Variants in RANBP9 observed in about 807,000 individuals in gnomAD.
RANBP9 encodes RAN binding protein 9.
In RANBP9, 15 loss-of-function variants were observed where a neutral mutation model predicts 84.3. That is an observed-to-expected ratio of 0.18 (90% CI 0.12 to 0.27). The LOEUF (loss-of-function observed/expected upper bound fraction) is 0.27. Ranked by LOEUF, RANBP9 falls within the 10% of genes least tolerant of loss-of-function variation. RANBP9 has a pLI of 1.00. For synonymous variants in RANBP9, 392 were observed against 349.6 expected, an observed-to-expected ratio of 1.12 and a Z score of -1.35; for missense variants, 809 against 912.8, an observed-to-expected ratio of 0.89 and a Z score of 1.46.
chr6:13,670,498 A>G (rs1403521422), intron 2 of RANBP9, among the ~76,000 whole-genome samples: 1 of 151,946 alleles, frequency 6.6e-6, no homozygotes, highest in Non-Finnish European at 1.5e-5. Flanking sequence ...GAAACACAAG[A>G]AAAAATAGAC....
At chr6:13,691,100 A>AC (rs543010754) in intron 2 of RANBP9, among the ~76,000 whole-genome samples, 68 of 151,604 alleles carry the variant, frequency 4.5e-4, no homozygotes, top group African/African-American at 1.6e-3. Flanking sequence ...CCCAGGAGAC[A>AC]GAGGTTGCAG....
chr6:13,676,973 T>C (rs1765899687), intron 2 of RANBP9, among the ~76,000 whole-genome samples: 1 of 152,192 alleles, frequency 6.6e-6, no homozygotes, highest in African/African-American at 2.4e-5. Context: ...TATTTCCTTT[T>C]ACGGCTCTTA....
intron 13 of RANBP9, among the ~76,000 whole-genome samples, chr6:13,625,416 ACTT>A (rs1764574500): frequency 6.6e-6 from 1 of 152,104 alleles, no homozygotes; most frequent in African/African-American, 2.4e-5. Context: ...GCACACAAAA[ACTT>A]CTATTTCCCA....
chr6:13,653,215 C>T (rs560449535), intron 4 of RANBP9, among the ~76,000 whole-genome samples: 4 of 152,144 alleles, frequency 2.6e-5, no homozygotes, highest in African/African-American at 9.6e-5. Flanking sequence ...ATGATTTACT[C>T]GTGGGAAAAA....
At chr6:13,632,597 T>C (rs1584912293) in intron 11 of RANBP9, 76 bp from the exon 12 acceptor site, 1 of 1,319,848 alleles carries the variant, frequency 7.6e-7, no homozygotes, top group Non-Finnish European at 1.1e-6. Context: ...ACATTTCTTA[T>C]ACCATTTTGT....
At chr6:13,668,600 A>T (rs1765704846) in intron 2 of RANBP9, among the ~76,000 whole-genome samples, 1 of 152,130 alleles carries the variant, frequency 6.6e-6, no homozygotes, top group South Asian at 2.1e-4. Flanking sequence ...TATTAAGAAA[A>T]TAAAGAACAA....
chr6:13,623,605 A>AT (rs1436934808), intron 13 of RANBP9, among the ~76,000 whole-genome samples: 8 of 151,456 alleles, frequency 5.3e-5, no homozygotes, highest in Non-Finnish European at 8.9e-5. Flanking sequence ...TACAGGGAAT[A>AT]TTTTTTTAAT....
chr6:13,634,588 T>C (rs746359008), intron 10 of RANBP9, 36 bp from the exon 11 acceptor site: 2 of 1,567,460 alleles, frequency 1.3e-6, no homozygotes, highest in Admixed American at 1.7e-5. Flanking sequence ...TTTAGAAATA[T>C]CATACTTGCA....
chr6:13,705,889 A>G (rs1758101766), intron 1 of RANBP9, among the ~76,000 whole-genome samples: 1 of 151,602 alleles, frequency 6.6e-6, no homozygotes, highest in African/African-American at 2.4e-5. Context: ...AAAAAAAAGA[A>G]ACATTTTTAT....
At chr6:13,670,834 G>C (rs1400855660) in intron 2 of RANBP9, among the ~76,000 whole-genome samples, 2 of 144,370 alleles carry the variant, frequency 1.4e-5, no homozygotes, top group Non-Finnish European at 3.0e-5. Flanking sequence ...AGACAAACTA[G>C]ACTCCATAAA....
intron 1 of RANBP9, among the ~76,000 whole-genome samples, chr6:13,704,550 G>A (rs1758052325): frequency 6.6e-6 from 1 of 151,886 alleles, no homozygotes. Flanking sequence ...AGGATCACTT[G>A]AGCCCAGGAG....
chr6:13,692,470 T>C (rs1177822600), intron 2 of RANBP9, among the ~76,000 whole-genome samples: 1 of 128,334 alleles, frequency 7.8e-6, no homozygotes, highest in Non-Finnish European at 1.5e-5. Context: ...GAGGTTACAG[T>C]GAGCTGAAAT....
chr6:13,632,225 C>A (rs1764807409), intron 12 of RANBP9, 145 bp downstream of exon 12: 1 of 409,910 alleles, frequency 2.4e-6, no homozygotes, highest in Non-Finnish European at 3.9e-6. Context: ...TCAAATATTT[C>A]CACTCTCAGA....
In RANBP9 at chr6:13,692,129, T is replaced by C. The variant is rs140031179; in HGVS notation, c.683+4656A>G. Among the ~76,000 whole-genome samples the C allele has an allele frequency of 3.3e-3, 507 of 152,320 alleles. 2 individuals carry two copies. The highest frequency in any genetic ancestry group is 0.012 in the African/African-American group (493 of 41,574). On this transcript the variant is annotated intron_variant, in intron 2 of 13. Coordinates refer to ENST00000011619, the MANE Select transcript of RANBP9 (RefSeq NM_005493.3). ...CATTAGTTGGCCAAAATTAGCAATA[T>C]GAGTTGCTTTTTTTTCATAAATGAA...
chr6:13,629,253 G>C (rs1466112730), intron 12 of RANBP9, among the ~76,000 whole-genome samples: 1 of 152,146 alleles, frequency 6.6e-6, no homozygotes, highest in Non-Finnish European at 1.5e-5. Flanking sequence ...TGGGATTACA[G>C]ATGTGGGCCA....
In RANBP9 at chr6:13,621,622, CTAAA is replaced by C. The variant is rs938591989; in HGVS notation, c.*736_*739del. 1 of 152,634 alleles carries C rather than the reference CTAAA, an allele frequency of 6.6e-6. No homozygotes were observed. Among genetic ancestry groups the C allele is most frequent in the South Asian group, 2.1e-4 (1 of 4,828 alleles). 9.5% of individuals were successfully genotyped at this position (152,634 alleles called of 1,614,324 possible). A position where few individuals can be genotyped will look rare whatever the true frequency, so the allele number is the denominator to read the frequency against. On this transcript the variant is annotated 3_prime_UTR_variant, in exon 14 of 14. Transcript: ENST00000011619. The stretch of plus-strand genomic sequence containing the variant: ...ATTAAATTAAGACACGGTAAATTGA[CTAAA>C]TATTTGGTTTTTATATAAATAAAGG...
intron 7 of RANBP9, 137 bp from the exon 8 acceptor site, chr6:13,641,444 T>C (rs756040794): frequency 5.1e-6 from 3 of 583,530 alleles, no homozygotes; most frequent in Non-Finnish European, 8.8e-6. Context: ...TCTAACATCA[T>C]AGTTTCCATT....
intron 9 of RANBP9, 56 bp from the exon 10 acceptor site, chr6:13,638,011 T>C (rs2071836): frequency 0.37 from 547,399 of 1,466,030 alleles, 104,188 homozygotes; most frequent in Admixed American, 0.56. Context: ...ATTAATACGG[T>C]TGTAAACAAG....
chr6:13,657,788 AAGG>A (rs937321822), intron 3 of RANBP9, among the ~76,000 whole-genome samples: 3 of 152,314 alleles, frequency 2.0e-5, no homozygotes, highest in African/African-American at 7.2e-5. Context: ...TTACTTCTAT[AAGG>A]AGTTTTCAAA....
Sources: gnomAD v4.1 joint callset for allele counts (sites outside exome capture counted in the v4.1 genomes callset) on GRCh38, gnomAD v4.1.1 for gene constraint, MANE v1.5 for transcripts, NCBI Gene and HGNC (gene_info 2026-07-23, HGNC 2026-07-21) for gene names.